Variants in KCNAB2 observed in about 807,000 individuals in gnomAD.
The protein encoded by KCNAB2 is potassium voltage-gated channel subfamily A regulatory beta subunit 2.
A neutral mutation model predicts 63.6 loss-of-function variants in KCNAB2; 29 were observed. That is an observed-to-expected ratio of 0.46 (90% CI 0.34 to 0.62). The LOEUF (loss-of-function observed/expected upper bound fraction) is 0.62, where lower values mean the gene tolerates loss of function less well. Among genes scored for constraint, KCNAB2 ranks in the 20% least tolerant of loss-of-function variants. The pLI, the probability that KCNAB2 is intolerant of heterozygous loss-of-function variation, is 0.01. For synonymous variants in KCNAB2, 222 were observed against 224.2 expected, an observed-to-expected ratio of 0.99 and a Z score of 0.09; for missense variants, 359 against 563.9, an observed-to-expected ratio of 0.64 and a Z score of 3.68.
In KCNAB2 at chr1:6,096,349, C is replaced by T; in HGVS notation, c.949-287C>T. 1 of 499,074 alleles carries T rather than the reference C, an allele frequency of 2.0e-6. No homozygotes were observed. Among genetic ancestry groups the T allele is most frequent in the Non-Finnish European group, 3.7e-6 (1 of 272,894 alleles). The allele number at this position is 499,074 out of a possible 1,614,324, so 30.9% of individuals were successfully genotyped here. On this transcript the variant is annotated intron_variant, in intron 13 of 15. Transcript: ENST00000378083. This position sits in a 1 kb window ranked among gnomAD's most constrained non-coding sequence, Gnocchi z 5.9. Reference sequence around the variant, plus strand: ...GCCAAGTTTCCTAAGAGAAGGAAGGCCAGCACCTCGCCTCCTTGTCCTGAC... The same window carrying T: ...GCCAAGTTTCCTAAGAGAAGGAAGGTCAGCACCTCGCCTCCTTGTCCTGAC...
chr1:6,072,873 C>G lies in KCNAB2; in HGVS notation c.262+75C>G, dbSNP rs559809757. 1.0e-4 allele frequency: 151 copies of G among 1,455,072 alleles called. 1 individual carries two copies. In the African/African-American group the frequency reaches 1.6e-3, roughly 16 times the overall value. The allele number at this position is 1,455,072 out of a possible 1,614,324, so 90.1% of individuals were successfully genotyped here. On this transcript the variant is annotated intron_variant, in intron 3 of 15. Coordinates refer to ENST00000378083, the MANE Select transcript of KCNAB2 (RefSeq NM_001199862.2). The stretch of plus-strand genomic sequence containing the variant: ...GGCCGGGCATGGACTGAACTGGACA[C>G]CCCTTGGGAGGCAGGGTGGCCCAAA...
At chr1:6,049,959 T>C (rs1661249175) in intron 1 of KCNAB2, among the ~76,000 whole-genome samples, 1 of 152,176 alleles carries the variant, frequency 6.6e-6, no homozygotes. Context: ...AGCAGGCTGG[T>C]CACCCATTCT....
chr1:6,044,201 A>G (rs1660735960), upstream of KCNAB2, among the ~76,000 whole-genome samples: 1 of 152,226 alleles, frequency 6.6e-6, no homozygotes, highest in South Asian at 2.1e-4. Context: ...CTATAAAGTC[A>G]CATGGCAAAG....
intron 1 of KCNAB2, among the ~76,000 whole-genome samples, chr1:6,012,130 G>C (rs1658192994): frequency 6.7e-6 from 1 of 148,704 alleles, no homozygotes; most frequent in Non-Finnish European, 1.5e-5. Flanking sequence ...TGAAGGTGGA[G>C]GTGACGGGTG....
At chr1:6,010,017 C>T (rs917944672) in intron 1 of KCNAB2, among the ~76,000 whole-genome samples, 1 of 151,956 alleles carries the variant, frequency 6.6e-6, no homozygotes, top group Admixed American at 6.6e-5. Context: ...ATTACAGGCA[C>T]ACATCACCAC....
At chr1:5,992,903 C>G (rs1382174447) in intron 1 of KCNAB2, 2 of 152,450 alleles carry the variant, frequency 1.3e-5, no homozygotes, top group Non-Finnish European at 2.9e-5. Context: ...CCGTCTCCAT[C>G]TCTTCTTCCC....
rs1659326844 is a variant in KCNAB2 at position 6,028,107 on chromosome 1, T to G, written c.-52-12410T>G. The stretch of plus-strand genomic sequence containing the variant: ...ATGACCCACCAGGCCAACGGCCCCC[T>G]AGGGTCTTGACCCCAGTGCACTCAG... On this transcript the variant is annotated intron_variant, in intron 1 of 16. Coordinates refer to the KCNAB2 transcript ENST00000341524. This position sits in a 1 kb window ranked among gnomAD's most constrained non-coding sequence, Gnocchi z 4.0. Among the ~76,000 whole-genome samples, 1 of 152,164 alleles carries G rather than the reference T, an allele frequency of 6.6e-6. No homozygotes were observed. The highest frequency in any genetic ancestry group is 1.5e-5 in the Non-Finnish European group (1 of 67,994).
intron 4 of KCNAB2, among the ~76,000 whole-genome samples, chr1:6,077,914 G>A (rs1276524150): frequency 1.3e-5 from 2 of 152,234 alleles, no homozygotes; most frequent in African/African-American, 2.4e-5. Context: ...TGTGGCTGCT[G>A]TAACAAATAG....
At chr1:6,089,148 A>T in intron 8 of KCNAB2, 97 bp downstream of exon 8, 1 of 1,297,458 alleles carries the variant, frequency 7.7e-7, no homozygotes, top group Non-Finnish European at 1.1e-6. Context: ...CCCCCAGTTA[A>T]CCCACTGAGG....
Position 6,078,046 on chromosome 1 carries a change from C to A in KCNAB2, c.301-4149C>A, listed in dbSNP as rs537347370. On this transcript the variant is annotated intron_variant, in intron 4 of 15. Coordinates refer to ENST00000378083, the MANE Select transcript of KCNAB2 (RefSeq NM_001199862.2). The surrounding 1 kb of genome is among the most constrained non-coding windows in gnomAD (Gnocchi z 4.2). Reference sequence around the variant, plus strand: ...TCAGCCGGGCCGGGCTTCCTTCTCCCGGCCAGGACCTTTCCCGGCCTAAGT... The same window carrying A: ...TCAGCCGGGCCGGGCTTCCTTCTCCAGGCCAGGACCTTTCCCGGCCTAAGT... Among the ~76,000 whole-genome samples the A allele has an allele frequency of 3.3e-5, 5 of 149,542 alleles. No individual in the cohort carries two copies. Among genetic ancestry groups the A allele is most frequent in the East Asian group, 3.9e-4 (2 of 5,158 alleles).
rs776899507 is a variant in KCNAB2 at position 5,997,837 on chromosome 1, T to A, written c.-53+5049T>A. ...TCGATCTATTCATTATAAAACAAAT[T>A]TAAATTTAAAACATTGCTTAAAACC... is the stretch of plus-strand genomic sequence containing the variant. On this transcript the variant is annotated intron_variant, in intron 1 of 16. Transcript: ENST00000341524. 5.2e-4 allele frequency among the ~76,000 whole-genome samples: 79 copies of A among 152,052 alleles called. 1 individual carries two copies. Among genetic ancestry groups the A allele is most frequent in the Non-Finnish European group, 9.3e-4 (63 of 67,992 alleles).
chr1:6,071,920 G>A lies in KCNAB2; in HGVS notation c.219-835G>A, dbSNP rs2100653189. Among the ~76,000 whole-genome samples the A allele has an allele frequency of 6.6e-6, 1 of 152,172 alleles. No homozygotes were observed. Among genetic ancestry groups the A allele is most frequent in the Non-Finnish European group, 1.5e-5 (1 of 67,936 alleles). On this transcript the variant is annotated intron_variant, in intron 2 of 15. Coordinates refer to ENST00000378083, the MANE Select transcript of KCNAB2 (RefSeq NM_001199862.2). This position sits in a 1 kb window ranked among gnomAD's most constrained non-coding sequence, Gnocchi z 8.5. Reference sequence around the variant, plus strand: ...TCCTGCCGCGTAGGGCTCCCGGGAGGATCCGGGGACAGGATGCCTGGGGAC... The same window carrying A: ...TCCTGCCGCGTAGGGCTCCCGGGAGAATCCGGGGACAGGATGCCTGGGGAC...
chr1:6,072,665 G>A (rs889036353), intron 2 of KCNAB2, 90 bp from the exon 3 acceptor site: 115 of 1,381,192 alleles, frequency 8.3e-5, no homozygotes, highest in Non-Finnish European at 1.0e-4. Context: ...TGTTGGGGGA[G>A]TGGGTGGGGG....
intron 2 of KCNAB2, among the ~76,000 whole-genome samples, chr1:6,052,863 A>G (rs78967257): frequency 0.012 from 1,848 of 152,206 alleles, 33 homozygotes; most frequent in African/African-American, 0.042. Context: ...AAAGTTCCTC[A>G]TTGTTTATCT....
At position 6,096,399 on chromosome 1, in the gene KCNAB2, CTT is replaced by C; in HGVS notation, c.949-235_949-234del. The C allele has an allele frequency of 5.1e-6, 3 of 586,594 alleles. No homozygotes were observed. Among genetic ancestry groups the C allele is most frequent in the Non-Finnish European group, 9.1e-6 (3 of 330,022 alleles). 36.3% of individuals were successfully genotyped at this position (586,594 alleles called of 1,614,324 possible). On this transcript the variant is annotated intron_variant, in intron 13 of 15. Transcript: ENST00000378083. The surrounding 1 kb of genome is among the most constrained non-coding windows in gnomAD (Gnocchi z 5.9). ...CTTGGGGTTGGGCCAGCACCACAGT[CTT>C]TGCACTTCAGAGCCTGGACAGGCCC... is the stretch of plus-strand genomic sequence containing the variant.
exon 1 of KCNAB2, chr1:6,034,439 G>T (rs1309267390): frequency 1.3e-5 from 2 of 152,380 alleles, no homozygotes; most frequent in Non-Finnish European, 2.9e-5. Context: ...ATCAAACGGT[G>T]TACAGTTCCC....
chr1:6,003,993 A>C lies in KCNAB2; in HGVS notation c.-53+11205A>C, dbSNP rs1247994312. Reference sequence around the variant, plus strand: ...CCTGTCACGTGGTCATGGGACGGTAATCCTCTTTGAAGCCATTTGTTATTT... The same window carrying C: ...CCTGTCACGTGGTCATGGGACGGTACTCCTCTTTGAAGCCATTTGTTATTT... On this transcript the variant is annotated intron_variant, in intron 1 of 16. Transcript: ENST00000341524. The surrounding 1 kb of genome is among the most constrained non-coding windows in gnomAD (Gnocchi z 4.1). Among the ~76,000 whole-genome samples the C allele has an allele frequency of 6.6e-6, 1 of 152,126 alleles. No homozygotes were observed. The highest frequency in any genetic ancestry group is 1.5e-5 in the Non-Finnish European group (1 of 68,026).
intron 5 of KCNAB2, among the ~76,000 whole-genome samples, chr1:6,084,809 C>CAA (rs372066219): frequency 1.4e-5 from 2 of 138,960 alleles, no homozygotes; most frequent in Non-Finnish European, 3.1e-5. Flanking sequence ...GACTCCATTT[C>CAA]AAAAAAAAAA....
At position 6,051,502 on chromosome 1, in the gene KCNAB2, TCTGGACAGTGGCAGCTCC is replaced by T; in HGVS notation, c.-26-7_-16del. 7.4e-6 allele frequency: 11 copies of T among 1,490,100 alleles called. No homozygotes were observed. The highest frequency in any genetic ancestry group is 8.9e-6 in the Non-Finnish European group (10 of 1,117,716). 92.3% of individuals were successfully genotyped at this position (1,490,100 alleles called of 1,614,324 possible). A position where few individuals can be genotyped will look rare whatever the true frequency, so the allele number is the denominator to read the frequency against. On this transcript the variant is annotated splice_acceptor_variant and splice_polypyrimidine_tract_variant and 5_prime_UTR_variant and intron_variant, in exon 2 of 16. Coordinates refer to ENST00000378083, the MANE Select transcript of KCNAB2 (RefSeq NM_001199862.2). LOFTEE classifies it low-confidence loss of function (5UTR_SPLICE). ...TGGCACACTGTCTAACTCATCACCG[TCTGGACAGTGGCAGCTCC>T]CAAGCCAGGCGGCACCATGCTGTCC... is the stretch of plus-strand genomic sequence containing the variant.
Sources: allele counts gnomAD v4.1 joint callset (sites outside exome capture counted in the v4.1 genomes callset), GRCh38; gene constraint gnomAD v4.1.1; non-coding constraint Gnocchi (gnomAD v3.1); transcripts MANE v1.5; gene names NCBI Gene and HGNC (gene_info 2026-07-23, HGNC 2026-07-21).